Variants in NAALADL2 observed in about 807,000 individuals in gnomAD.
NAALADL2 encodes the protein N-acetylated alpha-linked acidic dipeptidase like 2, also known as inactive N-acetylated-alpha-linked acidic dipeptidase-like protein 2.
In NAALADL2, 76 loss-of-function variants were observed where a neutral mutation model predicts 87.2. That is an observed-to-expected ratio of 0.87 (90% CI 0.72 to 1.05). The LOEUF (loss-of-function observed/expected upper bound fraction) is 1.05. Among genes scored for constraint, NAALADL2 ranks in the 50% least tolerant of loss-of-function variants. The pLI is 0.00. For missense variants in NAALADL2, 1,089 were observed against 945.8 expected, an observed-to-expected ratio of 1.15 and a Z score of -1.99; for synonymous variants, 354 against 331.0, an observed-to-expected ratio of 1.07 and a Z score of -0.75.
intron 3 of NAALADL2, among the ~76,000 whole-genome samples, chr3:175,238,860 T>C (rs1746362397): frequency 1.3e-5 from 2 of 152,200 alleles, no homozygotes. Flanking sequence ...ATTTCTGTCT[T>C]GCAGAGCCAT....
intron 1 of NAALADL2, among the ~76,000 whole-genome samples, chr3:175,063,557 G>A (rs982505608): frequency 2.6e-5 from 4 of 152,028 alleles, no homozygotes; most frequent in Non-Finnish European, 5.9e-5. Flanking sequence ...GCTCACTGCA[G>A]CCTCCACCTT....
At chr3:175,463,865 A>G (rs186533476) in intron 7 of NAALADL2, among the ~76,000 whole-genome samples, 4,600 of 152,226 alleles carry the variant, frequency 0.03, 206 homozygotes, top group East Asian at 0.14. Flanking sequence ...TTTTATTTTG[A>G]TCAAGAAGAC....
At chr3:174,901,483 C>A (rs1265724935) in intron 1 of NAALADL2, among the ~76,000 whole-genome samples, 1 of 152,140 alleles carries the variant, frequency 6.6e-6, no homozygotes, top group African/African-American at 2.4e-5. Flanking sequence ...TTCTAGTAAT[C>A]TTTCATCAAA....
At chr3:175,129,192 G>T (rs929503462) in intron 2 of NAALADL2, among the ~76,000 whole-genome samples, 44 of 151,842 alleles carry the variant, frequency 2.9e-4, no homozygotes, top group African/African-American at 9.4e-4. Context: ...TGATCTTCCT[G>T]TCTCAGCTTC....
chr3:175,168,335 C>A (rs1176076282), intron 2 of NAALADL2, among the ~76,000 whole-genome samples: 2 of 151,736 alleles, frequency 1.3e-5, no homozygotes. Context: ...ATATAGATAA[C>A]CTAGTTTATA....
chr3:174,894,683 A>C (rs1409709679), intron 1 of NAALADL2, among the ~76,000 whole-genome samples: 13 of 150,000 alleles, frequency 8.7e-5, no homozygotes, highest in Admixed American at 8.6e-4. Context: ...AGTATAGACA[A>C]CATAGATCTA....
At chr3:175,513,724 C>G (rs1731476724) in intron 9 of NAALADL2, among the ~76,000 whole-genome samples, 1 of 152,140 alleles carries the variant, frequency 6.6e-6, no homozygotes, top group Non-Finnish European at 1.5e-5. Flanking sequence ...TGTCATAGTA[C>G]AATAGACAGC....
At chr3:174,710,293 C>T (rs1210171772) in intron 2 of NAALADL2, among the ~76,000 whole-genome samples, 2 of 140,228 alleles carry the variant, frequency 1.4e-5, no homozygotes, top group Non-Finnish European at 3.0e-5. Flanking sequence ...CTTGCTCTGT[C>T]GCCCAGGCTG....
chr3:175,151,699 T>A (rs1731570400), intron 2 of NAALADL2, among the ~76,000 whole-genome samples: 1 of 152,072 alleles, frequency 6.6e-6, no homozygotes, highest in African/African-American at 2.4e-5. Flanking sequence ...TACACGCACA[T>A]GCATACATAC....
chr3:175,459,630 T>C (rs1251853436), intron 6 of NAALADL2, among the ~76,000 whole-genome samples: 2 of 152,064 alleles, frequency 1.3e-5, no homozygotes, highest in Non-Finnish European at 2.9e-5. Context: ...TTCTAAAAGT[T>C]TCTACAGTGA....
intron 8 of NAALADL2, among the ~76,000 whole-genome samples, chr3:175,469,198 T>C (rs1724527442): frequency 6.6e-6 from 1 of 152,100 alleles, no homozygotes; most frequent in Non-Finnish European, 1.5e-5. Flanking sequence ...TAAAATGTAT[T>C]TTTATAATTT....
chr3:175,642,499 C>CTTTTTTTTTTTTT (rs1206070195), intron 11 of NAALADL2, among the ~76,000 whole-genome samples: 1 of 141,404 alleles, frequency 7.1e-6, no homozygotes. Flanking sequence ...TCACCCAAAT[C>CTTTTTTTTTTTTT]TTTTTTTTTT....
intron 2 of NAALADL2, among the ~76,000 whole-genome samples, chr3:175,175,631 T>C (rs1450595142): frequency 6.6e-6 from 1 of 152,104 alleles, no homozygotes; most frequent in African/African-American, 2.4e-5. Flanking sequence ...CTTCTTGCTG[T>C]TTCAACAGTT....
intron 2 of NAALADL2, among the ~76,000 whole-genome samples, chr3:175,219,064 T>C (rs1742960491): frequency 6.6e-6 from 1 of 152,064 alleles, no homozygotes. Flanking sequence ...TCAGCTCCAG[T>C]TTTTTACTCT....
At chr3:175,331,013 G>A (rs892144877) in intron 5 of NAALADL2, among the ~76,000 whole-genome samples, 1 of 152,084 alleles carries the variant, frequency 6.6e-6, no homozygotes, top group Non-Finnish European at 1.5e-5. Flanking sequence ...GGACTATTAT[G>A]AACAACTATA....
intron 1 of NAALADL2, among the ~76,000 whole-genome samples, chr3:175,080,799 TG>T (rs777943488): frequency 4.6e-5 from 7 of 152,226 alleles, no homozygotes; most frequent in African/African-American, 7.2e-5. Context: ...GCAGTAAATC[TG>T]CTAACTCCTG....
intron 1 of NAALADL2, among the ~76,000 whole-genome samples, chr3:174,474,322 G>C (rs147265998): frequency 7.8e-4 from 119 of 152,222 alleles, no homozygotes; most frequent in Non-Finnish European, 1.2e-3. Flanking sequence ...AACACTGAAT[G>C]TAGTCATAAT....
chr3:174,665,381 G>A (rs918959775), intron 2 of NAALADL2, among the ~76,000 whole-genome samples: 3 of 152,126 alleles, frequency 2.0e-5, no homozygotes, highest in African/African-American at 7.2e-5. Flanking sequence ...AGACTGTTTG[G>A]TGCTATCGAG....
chr3:175,769,071 T>C (rs962900642), intron 13 of NAALADL2, among the ~76,000 whole-genome samples: 1 of 152,196 alleles, frequency 6.6e-6, no homozygotes, highest in Admixed American at 6.5e-5. Flanking sequence ...GTTTCTTGCA[T>C]TTCCTGATTC....
Sources: allele counts gnomAD v4.1 joint callset (sites outside exome capture counted in the v4.1 genomes callset), GRCh38; gene constraint gnomAD v4.1.1; transcripts MANE v1.5; gene names NCBI Gene and HGNC (gene_info 2026-07-23, HGNC 2026-07-21).